Variants in ACAN observed in about 807,000 individuals in gnomAD.
ACAN encodes the protein aggrecan.
A neutral mutation model predicts 169.1 loss-of-function variants in ACAN; 47 were observed. The ratio of observed to expected loss-of-function variants is 0.28; its 90% CI spans 0.22 to 0.35. The LOEUF is 0.35. Among genes scored for constraint, ACAN ranks in the 10% least tolerant of loss-of-function variants. The pLI, the probability that ACAN is intolerant of heterozygous loss-of-function variation, is 1.00. For missense variants in ACAN, 2,716 were observed against 2,759.9 expected, an observed-to-expected ratio of 0.98 and a Z score of 0.36; for synonymous variants, 1,115 against 1,112.2, an observed-to-expected ratio of 1.00 and a Z score of -0.05.
intron 1 of ACAN, among the ~76,000 whole-genome samples, chr15:88,804,669 G>C (rs1895631852): frequency 6.6e-6 from 1 of 152,174 alleles, no homozygotes; most frequent in Non-Finnish European, 1.5e-5. Context: ...ACCACACTCT[G>C]GGCAGAGCAA....
chr15:88,838,584 T>C lies in ACAN; in HGVS notation c.71-79T>C. The C allele has an allele frequency of 1.3e-6, 2 of 1,488,780 alleles. No individual in the cohort carries two copies. The highest frequency in any genetic ancestry group is 1.8e-6 in the Non-Finnish European group (2 of 1,103,768). 92.2% of individuals were successfully genotyped at this position (1,488,780 alleles called of 1,614,324 possible). A position where few individuals can be genotyped will look rare whatever the true frequency, so the allele number is the denominator to read the frequency against. On this transcript the variant is annotated intron_variant, in intron 2 of 18. Transcript: ENST00000560601. This position sits in a 1 kb window ranked among gnomAD's most constrained non-coding sequence, Gnocchi z 5.1. ...TCGCTCTCTCAGGAGAGTGCATTGC[T>C]GGAAGGATGGATGGGGAGGCGGGGT...
rs191112507 is a variant in ACAN, at chr15:88,848,174, G to T, written c.1732+136G>T. 679 of 1,332,206 alleles carry T rather than the reference G, an allele frequency of 5.1e-4. 2 individuals carry two copies. The highest frequency in any genetic ancestry group is 1.5e-3 in the Admixed American group (66 of 45,310). The allele number at this position is 1,332,206 out of a possible 1,614,324, so 82.5% of individuals were successfully genotyped here. A position where few individuals can be genotyped will look rare whatever the true frequency, so the allele number is the denominator to read the frequency against. On this transcript the variant is annotated intron_variant, in intron 9 of 18. Coordinates refer to ENST00000560601, the MANE Select transcript of ACAN (RefSeq NM_001369268.1). ...CACCCAGCTTTCCAGGTGGGAAAGG[G>T]TCCTGCTGAAAAAGGAAGGCCCCCA...
rs541741709 is a variant in ACAN, at chr15:88,809,747, G to A, written c.-8+5938G>A. 3.3e-5 allele frequency among the ~76,000 whole-genome samples: 5 copies of A among 152,314 alleles called. No individual in the cohort carries two copies. In the South Asian group the frequency reaches 6.2e-4, roughly 19 times the overall value. ...GCACTGCAGATACAGCAGCTGCACC[G>A]TGACAGCCCCACAGGGGCATCCCCA... On this transcript the variant is annotated intron_variant, in intron 1 of 18. Coordinates refer to ENST00000560601, the MANE Select transcript of ACAN (RefSeq NM_001369268.1).
Position 88,814,306 on chromosome 15 carries a change from C to A in ACAN, c.-8+10497C>A, listed in dbSNP as rs1895888367. On this transcript the variant is annotated intron_variant, in intron 1 of 18. Transcript: ENST00000560601. This position sits in a 1 kb window ranked among gnomAD's most constrained non-coding sequence, Gnocchi z 4.0. ...TCTCAAAACAGTAACTGCTGTAAAT[C>A]ATGAACATTCCCAGACCCGTTCCTG... is the stretch of plus-strand genomic sequence containing the variant. Among the ~76,000 whole-genome samples, 1 of 152,232 alleles carries A rather than the reference C, an allele frequency of 6.6e-6. No individual in the cohort carries two copies. The highest frequency in any genetic ancestry group is 2.4e-5 in the African/African-American group (1 of 41,466).
In ACAN at chr15:88,817,450, A is replaced by AT. The variant is rs995290715; in HGVS notation, c.-8+13650dup. Among the ~76,000 whole-genome samples the AT allele has an allele frequency of 1.1e-4, 16 of 151,564 alleles. No individual in the cohort carries two copies. The East Asian group carries it at 1.5e-3, about 15-fold the overall frequency. ...AGCCACTGTGCCTGGCCAAATGTAGATTTTTTTTTAAAGGATATAAAATTC... is the reference window on the plus strand; with the variant it reads ...AGCCACTGTGCCTGGCCAAATGTAGATTTTTTTTTTAAAGGATATAAAATTC... On this transcript the variant is annotated intron_variant, in intron 1 of 18. Transcript: ENST00000560601.
At position 88,870,463 on chromosome 15, in the gene ACAN, T is replaced by G. The variant is rs1897354278; in HGVS notation, c.7061-919T>G. On this transcript the variant is annotated intron_variant, in intron 14 of 18. Coordinates refer to ENST00000560601, the MANE Select transcript of ACAN (RefSeq NM_001369268.1). This position sits in a 1 kb window ranked among gnomAD's most constrained non-coding sequence, Gnocchi z 6.3. ...ATAGAGGAGAAAGGAGCCCTGATTG[T>G]AGCATCTGCCAATTCCTGAGGTGTA... is the stretch of plus-strand genomic sequence containing the variant. 2.0e-5 allele frequency among the ~76,000 whole-genome samples: 3 copies of G among 152,200 alleles called. No homozygotes were observed. In the South Asian group the frequency reaches 6.2e-4, roughly 31 times the overall value.
intron 1 of ACAN, among the ~76,000 whole-genome samples, chr15:88,833,800 G>A (rs571194798): frequency 7.6e-5 from 11 of 145,598 alleles, no homozygotes; most frequent in African/African-American, 2.3e-4. Flanking sequence ...AAATCAAGCC[G>A]TCCAAGCCCC....
chr15:88,826,365 CT>C (rs1255620907), intron 1 of ACAN, among the ~76,000 whole-genome samples: 2 of 142,428 alleles, frequency 1.4e-5, no homozygotes, highest in Non-Finnish European at 3.0e-5. Context: ...GTATAGTGGC[CT>C]TTTTTTTCTT....
intron 2 of ACAN, among the ~76,000 whole-genome samples, chr15:88,837,352 A>G (rs917365066): frequency 6.6e-6 from 1 of 152,232 alleles, no homozygotes; most frequent in Non-Finnish European, 1.5e-5. Context: ...CTGAATTTAA[A>G]TCTGTGCTTT....
chr15:88,855,505 A>C lies in ACAN; in HGVS notation c.2920A>C (p.Ser974Arg). The C allele has an allele frequency of 6.2e-7, 1 of 1,613,596 alleles. No individual in the cohort carries two copies. The highest frequency in any genetic ancestry group is 1.3e-5 in the African/African-American group (1 of 75,044). The stretch of plus-strand genomic sequence containing the variant: ...CTCTGCCTCTGGAGTAGGAGACCTC[A>C]GTGGGCTTCCTTCTGGAGAAGTTCT... ...ETSASGVGDL[S>R]GLPSGEVLET... The change falls in exon 12 of 19, where the codon AGT becomes CGT. Residue 974 changes from serine to arginine, a missense_variant. Physicochemically the swap from Ser to Arg is moderately radical, Grantham distance 110. Around this residue, in one of 3 missense-constraint regions of ACAN, gnomAD observed 44 missense variants for 114.7 expected, o/e 0.38. Transcript: ENST00000560601.
chr15:88,873,586 C>T lies in ACAN; in HGVS notation c.7448-256C>T. On this transcript the variant is annotated intron_variant, in intron 17 of 18. Coordinates refer to ENST00000560601, the MANE Select transcript of ACAN (RefSeq NM_001369268.1). The surrounding 1 kb of genome is among the most constrained non-coding windows in gnomAD (Gnocchi z 7.5). ...TCTGCCTGGCTCTCGCCCTCCACAC[C>T]TTTCTACCTCCCTTTCATCTTCTCT... The T allele has an allele frequency of 1.9e-6, 1 of 530,948 alleles. No individual in the cohort carries two copies. Among genetic ancestry groups the T allele is most frequent in the Non-Finnish European group, 3.4e-6 (1 of 296,364 alleles). 32.9% of individuals were successfully genotyped at this position (530,948 alleles called of 1,614,324 possible). A position where few individuals can be genotyped will look rare whatever the true frequency, so the allele number is the denominator to read the frequency against.
chr15:88,842,884 G>A (rs573459587), intron 5 of ACAN, among the ~76,000 whole-genome samples: 25 of 152,122 alleles, frequency 1.6e-4, no homozygotes, highest in Admixed American at 2.6e-4. Context: ...ATGCTCTTAC[G>A]GACTCTTCAG....
In ACAN at chr15:88,872,742, G is replaced by GCTATCAGA. The variant is rs1567194812; in HGVS notation, c.7303-139_7303-138insCTATCAGA. The GCTATCAGA allele has an allele frequency of 3.7e-5, 40 of 1,095,748 alleles. No individual in the cohort carries two copies. Among genetic ancestry groups the GCTATCAGA allele is most frequent in the Non-Finnish European group, 3.9e-6 (3 of 775,740 alleles). The allele number at this position is 1,095,748 out of a possible 1,614,324, so 67.9% of individuals were successfully genotyped here. On this transcript the variant is annotated intron_variant, in intron 16 of 18. Coordinates refer to ENST00000560601, the MANE Select transcript of ACAN (RefSeq NM_001369268.1). This position sits in a 1 kb window ranked among gnomAD's most constrained non-coding sequence, Gnocchi z 5.4. ...CCTGATCAGATTCCCAGCAGTTTTTGTGCTGCTATCAGATGAGCCTGAAGT... is the reference window on the plus strand; with the variant it reads ...CCTGATCAGATTCCCAGCAGTTTTTGCTATCAGATGCTGCTATCAGATGAGCCTGAAGT...
chr15:88,874,125 G>T lies in ACAN; in HGVS notation c.7630+101G>T. ...CTGGGGACCCTACACCGTCCACAGG[G>T]TTGAGCAAGGGAAGGGAGGTCGGGG... On this transcript the variant is annotated intron_variant, in intron 18 of 18. Coordinates refer to ENST00000560601, the MANE Select transcript of ACAN (RefSeq NM_001369268.1). This position sits in a 1 kb window ranked among gnomAD's most constrained non-coding sequence, Gnocchi z 7.3. 6.8e-7 allele frequency: 1 copy of T among 1,480,840 alleles called. No homozygotes were observed. The highest frequency in any genetic ancestry group is 2.4e-4 in the Middle Eastern group (1 of 4,248). 91.7% of individuals were successfully genotyped at this position (1,480,840 alleles called of 1,614,324 possible). A position where few individuals can be genotyped will look rare whatever the true frequency, so the allele number is the denominator to read the frequency against.
chr15:88,854,909 CT>C lies in ACAN; in HGVS notation c.2326del (p.Ser776LeufsTer34), dbSNP rs2141602054. On this transcript the variant is annotated frameshift_variant, in exon 12 of 19. Transcript: ENST00000560601. LOFTEE classifies it high-confidence loss of function. ...GAATEESTEG[P>X]SATEVPSASE... The stretch of plus-strand genomic sequence containing the variant: ...GCAACAGAGGAAAGTACAGAAGGCC[CT>C]TCTGCAACTGAAGTGCCCTCTGCCT... The C allele has an allele frequency of 6.3e-7, 1 of 1,579,658 alleles. No homozygotes were observed. Among genetic ancestry groups the C allele is most frequent in the Non-Finnish European group, 8.6e-7 (1 of 1,165,942 alleles).
chr15:88,850,231 C>T (rs1448674557), intron 10 of ACAN: 1 of 208,824 alleles, frequency 4.8e-6, no homozygotes, highest in Non-Finnish European at 9.5e-6. Flanking sequence ...TTGTCAAATT[C>T]TCTCCTGCTT....
At chr15:88,844,203 T>C (rs1896739360) in intron 6 of ACAN, among the ~76,000 whole-genome samples, 1 of 151,874 alleles carries the variant, frequency 6.6e-6, no homozygotes, top group African/African-American at 2.4e-5. Context: ...GGTGTAATCA[T>C]AGCTTACTGC....
rs768123125 is a variant in ACAN at position 88,874,035 on chromosome 15, C to T, written c.7630+11C>T. 1 of 1,608,254 alleles carries T rather than the reference C, an allele frequency of 6.2e-7. No individual in the cohort carries two copies. The highest frequency in any genetic ancestry group is 8.5e-7 in the Non-Finnish European group (1 of 1,179,664). On this transcript the variant is annotated intron_variant, in intron 18 of 18. Coordinates refer to ENST00000560601, the MANE Select transcript of ACAN (RefSeq NM_001369268.1). The surrounding 1 kb of genome is among the most constrained non-coding windows in gnomAD (Gnocchi z 7.3). ...TCACCTGCACAGACCGTGAGCATCACCCCGGCCATCTCGCTGAGCACAGGG... is the reference window on the plus strand; with the variant it reads ...TCACCTGCACAGACCGTGAGCATCATCCCGGCCATCTCGCTGAGCACAGGG...
At chr15:88,804,815 C>A (rs1412669708) in intron 1 of ACAN, among the ~76,000 whole-genome samples, 1 of 152,118 alleles carries the variant, frequency 6.6e-6, no homozygotes. Flanking sequence ...AGCTGGAGTT[C>A]CAGCATGTTG....
Sources: allele counts gnomAD v4.1 joint callset (sites outside exome capture counted in the v4.1 genomes callset), GRCh38; gene constraint gnomAD v4.1.1; regional missense constraint gnomAD v4.1.1; non-coding constraint Gnocchi (gnomAD v3.1); transcripts MANE v1.5; gene names NCBI Gene and HGNC (gene_info 2026-07-23, HGNC 2026-07-21).